ZNF862: variants seen among roughly 807,000 people sequenced by gnomAD.
ZNF862 encodes the protein zinc finger protein 862.
Under a neutral mutation model 91.1 loss-of-function variants are expected in ZNF862, and 64 were observed. The ratio of observed to expected loss-of-function variants is 0.70; its 90% CI spans 0.57 to 0.87. The LOEUF is 0.87. Among genes scored for constraint, ZNF862 ranks in the 40% least tolerant of loss-of-function variants. ZNF862 has a pLI of 0.00. For synonymous variants in ZNF862, 631 were observed against 618.1 expected (o/e 1.02, Z -0.31); for missense variants, 1,459 against 1,528.0 (o/e 0.95, Z 0.75).
Position 149,848,334 on chromosome 7 carries a change from T to G in ZNF862, c.841T>G (p.Cys281Gly). ...DGAIPAMYLD[C>G]ISDLRQKEIT... is the part of the protein sequence containing the mutation. The stretch of plus-strand genomic sequence containing the variant: ...AGCAATTCCTGCAATGTATCTAGAC[T>G]GCATTTCAGATTTGAGGCAAAAAGA... Residue 281 changes from cysteine to glycine, a missense_variant, in exon 4 of 8, where the codon TGC becomes GGC. Physicochemically the swap from Cys to Gly is radical, Grantham distance 159. Transcript: ENST00000223210. The G allele has an allele frequency of 6.2e-7, 1 of 1,607,404 alleles. No homozygotes were observed. The highest frequency in any genetic ancestry group is 1.1e-5 in the South Asian group (1 of 89,958).
intron 1 of ZNF862, chr7:149,841,553 C>T: frequency 2.0e-6 from 2 of 985,404 alleles, no homozygotes; most frequent in Non-Finnish European, 1.2e-6. Context: ...TTAATAGGGT[C>T]TCAGGAAGGA....
At chr7:149,853,161 G>C (rs182464118) in intron 5 of ZNF862, among the ~76,000 whole-genome samples, 2 of 152,152 alleles carry the variant, frequency 1.3e-5, no homozygotes, top group East Asian at 3.9e-4. Context: ...GGGCCCAGGC[G>C]ATCCTCCTGC....
In ZNF862 at chr7:149,850,304, G is replaced by A. The variant is rs750535379; in HGVS notation, c.1083G>A (p.Val361=). 3.7e-6 allele frequency: 6 copies of A among 1,613,262 alleles called. No individual in the cohort carries two copies. The African/African-American group carries it at 8.0e-5, about 22-fold the overall frequency. ...GGCAGAAGGAGCTGTACAGAGACGT[G>A]ATGCGGATGAACTACGAGCTGTTGG... ...DKRQKELYRD[V]MRMNYELLAS... is the part of the protein sequence containing the mutation. The change falls in exon 5 of 8, where the codon GTG becomes GTA. Residue 361 remains valine (V), a synonymous_variant. Transcript: ENST00000223210. This position sits in a 1 kb window ranked among gnomAD's most constrained non-coding sequence, Gnocchi z 4.2.
rs76114768 is a variant in ZNF862, at chr7:149,839,261, G to C, written c.24+626G>C. Among the ~76,000 whole-genome samples, 1,086 of 152,332 alleles carry C rather than the reference G, an allele frequency of 7.1e-3. 10 individuals carry two copies. The highest frequency in any genetic ancestry group is 0.025 in the African/African-American group (1,026 of 41,562). ...ACGGGATTGCCAGCGCTTCCAGGCCGTGTCATCCAAGACCAGTGTGGTTGT... is the reference window on the plus strand; with the variant it reads ...ACGGGATTGCCAGCGCTTCCAGGCCCTGTCATCCAAGACCAGTGTGGTTGT... On this transcript the variant is annotated intron_variant, in intron 1 of 7. Coordinates refer to ENST00000223210, the MANE Select transcript of ZNF862 (RefSeq NM_001099220.3).
In ZNF862 at chr7:149,861,861, C is replaced by T. The variant is rs1329262526; in HGVS notation, c.2701C>T (p.Arg901Trp). Residue 901 changes from arginine (R) to tryptophan (W), a missense_variant, in exon 7 of 8, where the codon CGG (arginine) becomes TGG (tryptophan). Transcript: ENST00000223210. This position sits in a 1 kb window ranked among gnomAD's most constrained non-coding sequence, Gnocchi z 6.7. ...ATTCAACGCCAGCTTCAAGGATGGG[C>T]GGCTCCACGGCATCTGCTTGGACAA... ...EEFNASFKDG[R>W]LHGICLDKLE... 2.0e-5 allele frequency: 32 copies of T among 1,613,544 alleles called. No homozygotes were observed. The highest frequency in any genetic ancestry group is 3.3e-5 in the South Asian group (3 of 91,084).
At chr7:149,841,245 T>C in intron 1 of ZNF862, 1 of 985,434 alleles carries the variant, frequency 1.0e-6, no homozygotes, top group Non-Finnish European at 1.2e-6. Flanking sequence ...CGTGAGATAG[T>C]GGTTTGGTCT....
At chr7:149,854,058 C>T (rs1041691426) in intron 5 of ZNF862, among the ~76,000 whole-genome samples, 3 of 152,022 alleles carry the variant, frequency 2.0e-5, no homozygotes, top group South Asian at 2.1e-4. Context: ...TTCTAAATAA[C>T]GTATGTGGAC....
intron 1 of ZNF862, among the ~76,000 whole-genome samples, chr7:149,843,656 G>C (rs1287011546): frequency 6.6e-6 from 1 of 152,176 alleles, no homozygotes; most frequent in Admixed American, 6.5e-5. Flanking sequence ...ACATTTAGTG[G>C]TGGAAGACCG....
At position 149,848,064 on chromosome 7, in the gene ZNF862, A is replaced by C. The variant is rs1483995785; in HGVS notation, c.571A>C (p.Lys191Gln). The C allele has an allele frequency of 6.2e-7, 1 of 1,614,054 alleles. No homozygotes were observed. The highest frequency in any genetic ancestry group is 1.3e-5 in the African/African-American group (1 of 75,060). ...AGGACCATTCAAGGTGGAGACTCTC[A>C]AATACCACGCGAAGAGCAAGGCCCA... ...YTGPFKVETLKYHAKSKAHMF... is the reference protein window; with the variant it reads ...YTGPFKVETLQYHAKSKAHMF... Residue 191 changes from lysine (K) to glutamine (Q), a missense_variant, in exon 4 of 8, where the codon AAA becomes CAA. By Grantham distance (53) the Lys-to-Gln change is moderately conservative. Transcript: ENST00000223210.
At chr7:149,857,442 A>G (rs963417110) in intron 5 of ZNF862, among the ~76,000 whole-genome samples, 15 of 151,900 alleles carry the variant, frequency 9.9e-5, no homozygotes, top group Non-Finnish European at 2.2e-4. Context: ...TCTTTCATGA[A>G]TGGCTATCAT....
In ZNF862 at chr7:149,860,276, C is replaced by G. The variant is rs961726906; in HGVS notation, c.1223-107C>G. ...TAGAAAGAAGGATTGCATTCATCTT[C>G]TCTGCCTTGCTTAAGGGATACTTAT... On this transcript the variant is annotated intron_variant, in intron 6 of 7. Coordinates refer to ENST00000223210, the MANE Select transcript of ZNF862 (RefSeq NM_001099220.3). The G allele has an allele frequency of 6.1e-6, 6 of 980,802 alleles. No homozygotes were observed. The African/African-American group carries it at 8.2e-5, about 13-fold the overall frequency. 60.8% of individuals were successfully genotyped at this position (980,802 alleles called of 1,614,324 possible).
At position 149,846,156 on chromosome 7, in the gene ZNF862, A is replaced by G. The variant is rs200849878; in HGVS notation, c.142A>G (p.Thr48Ala). 17 of 1,612,028 alleles carry G rather than the reference A, an allele frequency of 1.1e-5. No individual in the cohort carries two copies. Among genetic ancestry groups the G allele is most frequent in the Admixed American group, 1.7e-5 (1 of 59,872 alleles). ...TTTTTTTTTTTTGGACTCAGGACCA[A>G]CTGTTGCCAATCCTGAGCTGTTCCG... is the stretch of plus-strand genomic sequence containing the variant. ...SNKLVAPLGP[T>A]VANPELFRKF... is the part of the protein sequence containing the mutation. The change falls in exon 3 of 8, where the codon ACT becomes GCT. Residue 48 changes from threonine (T) to alanine (A), a missense_variant. Thr to Ala is a moderately conservative substitution (Grantham distance 58). Coordinates refer to ENST00000223210, the MANE Select transcript of ZNF862 (RefSeq NM_001099220.3).
chr7:149,849,176 T>C (rs1011014037), intron 4 of ZNF862, among the ~76,000 whole-genome samples: 7 of 152,224 alleles, frequency 4.6e-5, no homozygotes, highest in Non-Finnish European at 8.8e-5. Flanking sequence ...TGTTGTTTGA[T>C]GTAATGTTTC....
rs370594443 is a variant in ZNF862 at position 149,861,332 on chromosome 7, C to T, written c.2172C>T (p.Cys724=). 307 of 1,613,096 alleles carry T rather than the reference C, an allele frequency of 1.9e-4. 4 individuals carry two copies. The Middle Eastern group carries it at 2.6e-3, about 14-fold the overall frequency. The change falls in exon 7 of 8, where the codon TGC becomes TGT. Residue 724 remains cysteine (C), a synonymous_variant. Transcript: ENST00000223210. The surrounding 1 kb of genome is among the most constrained non-coding windows in gnomAD (Gnocchi z 6.7). ...EVIPQLLPVH[C]VAHRLHLAVV... is the part of the protein sequence containing the mutation. ...TCCCGCAGCTGCTGCCTGTCCACTG[C>T]GTGGCCCACCGGCTGCACCTGGCTG...
rs1802527007 is a variant in ZNF862, at chr7:149,862,007, G to A, written c.2847G>A (p.Val949=). The change falls in exon 7 of 8, where the codon GTG becomes GTA. Residue 949 remains valine (V), a synonymous_variant. Coordinates refer to ENST00000223210, the MANE Select transcript of ZNF862 (RefSeq NM_001099220.3). ...CCCCACAGCTGAAGAACATGGAGGT[G>A]TTTGACACCATGGCCTGGCCAAGTG... ...DRPPQLKNME[V]FDTMAWPSGI... 2 of 1,613,746 alleles carry A rather than the reference G, an allele frequency of 1.2e-6. No individual in the cohort carries two copies. Among genetic ancestry groups the A allele is most frequent in the Admixed American group, 1.7e-5 (1 of 59,990 alleles).
At position 149,853,735 on chromosome 7, in the gene ZNF862, C is replaced by T. The variant is rs139810919; in HGVS notation, c.1117+3397C>T. 5.6e-3 allele frequency among the ~76,000 whole-genome samples: 851 copies of T among 152,132 alleles called. 2 individuals are homozygous for T. The highest frequency in any genetic ancestry group is 9.3e-3 in the Non-Finnish European group (633 of 67,976). ...GGTGGATCACCTGAGGTCGGGAGTT[C>T]GAGACCAGCCTGGCCAACATGGCGA... On this transcript the variant is annotated intron_variant, in intron 5 of 7. Coordinates refer to ENST00000223210, the MANE Select transcript of ZNF862 (RefSeq NM_001099220.3).
Position 149,861,825 on chromosome 7 carries a change from A to G in ZNF862, c.2665A>G (p.Lys889Glu), listed in dbSNP as rs762100989. The G allele has an allele frequency of 6.2e-7, 1 of 1,613,674 alleles. No individual in the cohort carries two copies. Among genetic ancestry groups the G allele is most frequent in the Non-Finnish European group, 8.5e-7 (1 of 1,179,868 alleles). Residue 889 changes from lysine to glutamate, a missense_variant, in exon 7 of 8, where the codon AAA becomes GAA. Physicochemically the swap from Lys to Glu is moderately conservative, Grantham distance 56 (BLOSUM62 1). Transcript: ENST00000223210. This position sits in a 1 kb window ranked among gnomAD's most constrained non-coding sequence, Gnocchi z 6.7. ...LESLRHQAGP[K>E]EEEFNASFKD... ...GAGCCTCCGTCACCAGGCAGGGCCC[A>G]AAGAGGAAGAATTCAACGCCAGCTT...
intron 5 of ZNF862, among the ~76,000 whole-genome samples, chr7:149,854,426 A>G (rs1802183381): frequency 6.6e-6 from 1 of 152,232 alleles, no homozygotes; most frequent in South Asian, 2.1e-4. Context: ...AAGTGAAGAA[A>G]TTTAGTATGA....
rs1354093682 is a variant in ZNF862 at position 149,864,930 on chromosome 7, T to C, written c.*646T>C. ...AGCTCCAGATGGTGGAGCTGGGCTCTTCTGGCAGGGGGTCTGGTGCTTCCC... is the reference window on the plus strand; with the variant it reads ...AGCTCCAGATGGTGGAGCTGGGCTCCTCTGGCAGGGGGTCTGGTGCTTCCC... On this transcript the variant is annotated 3_prime_UTR_variant, in exon 8 of 8. Coordinates refer to ENST00000223210, the MANE Select transcript of ZNF862 (RefSeq NM_001099220.3). 1.3e-5 allele frequency: 2 copies of C among 152,302 alleles called. No individual in the cohort carries two copies. The highest frequency in any genetic ancestry group is 2.9e-5 in the Non-Finnish European group (2 of 68,110). The allele number at this position is 152,302 out of a possible 1,614,324, so 9.4% of individuals were successfully genotyped here.
Sources: allele counts gnomAD v4.1 joint callset (sites outside exome capture counted in the v4.1 genomes callset), GRCh38; gene constraint gnomAD v4.1.1; non-coding constraint Gnocchi (gnomAD v3.1); transcripts MANE v1.5; gene names NCBI Gene and HGNC (gene_info 2026-07-23, HGNC 2026-07-21).